Variants in NAA15 observed in about 807,000 individuals in gnomAD.
NAA15 encodes N-alpha-acetyltransferase 15, NatA auxiliary subunit.
NAA15 carries 34 observed loss-of-function variants against 114.0 expected under a neutral mutation model. The ratio of observed to expected loss-of-function variants is 0.30; its 90% CI spans 0.23 to 0.40. The LOEUF (loss-of-function observed/expected upper bound fraction) is 0.40, where lower values mean the gene tolerates loss of function less well. NAA15 is among the 10% of genes least tolerant of loss of function. The pLI is 1.00. For synonymous variants in NAA15, 340 were observed against 338.0 expected, an observed-to-expected ratio of 1.01 and a Z score of -0.06; for missense variants, 658 against 1,004.5, an observed-to-expected ratio of 0.66 and a Z score of 4.66.
chr4:139,340,483 A>G (rs1483649799), intron 3 of NAA15, among the ~76,000 whole-genome samples: 2 of 152,232 alleles, frequency 1.3e-5, no homozygotes, highest in Non-Finnish European at 2.9e-5. Flanking sequence ...ACTGGATTCC[A>G]TGAAGACCCA....
At chr4:139,323,325 C>G (rs936003771) in intron 1 of NAA15, among the ~76,000 whole-genome samples, 1 of 152,138 alleles carries the variant, frequency 6.6e-6, no homozygotes, top group Non-Finnish European at 1.5e-5. Context: ...TCCCAAAGGT[C>G]TAGGATTACA....
chr4:139,361,792 A>T lies in NAA15; in HGVS notation c.1608A>T (p.Arg536Ser), dbSNP rs1748139496. 6.2e-7 allele frequency: 1 copy of T among 1,613,074 alleles called. No homozygotes were observed. Among genetic ancestry groups the T allele is most frequent in the Admixed American group, 1.7e-5 (1 of 59,988 alleles). The change falls in exon 14 of 20, where the codon AGA becomes AGT. Residue 536 changes from arginine to serine, a missense_variant. Arg to Ser is a moderately radical substitution (Grantham distance 110). Transcript: ENST00000296543. ...ACTGTATGAGGAAGATTACCCTTAG[A>T]TCATATGTGGACTTATTAAAACTAG... ...HTYCMRKITL[R>S]SYVDLLKLED... is the part of the protein sequence containing the mutation.
intron 6 of NAA15, among the ~76,000 whole-genome samples, chr4:139,345,129 C>T (rs1380250308): frequency 5.3e-5 from 8 of 152,194 alleles, no homozygotes; most frequent in Admixed American, 2.6e-4. Flanking sequence ...GTATAATATA[C>T]ATCCATGTGC....
At chr4:139,358,341 A>G (rs983669558) in intron 11 of NAA15, among the ~76,000 whole-genome samples, 4 of 151,678 alleles carry the variant, frequency 2.6e-5, no homozygotes, top group South Asian at 4.2e-4. Context: ...GATTATAGGC[A>G]TGCACCACCA....
chr4:139,374,329 T>C (rs1748524059), intron 15 of NAA15, among the ~76,000 whole-genome samples: 1 of 152,184 alleles, frequency 6.6e-6, no homozygotes, highest in Non-Finnish European at 1.5e-5. Flanking sequence ...CTTTTTTCTT[T>C]AAGGGAGACA....
In NAA15 at chr4:139,349,508, T is replaced by TTA; in HGVS notation, c.741_742dup (p.Arg248IlefsTer28). ...GTCGTTTGGAAGATGCTGCAGATGT[T>TTA]TATAGAGGATTGCAAGAGAGAAATC... On this transcript the variant is annotated frameshift_variant, in exon 7 of 20. Coordinates refer to ENST00000296543, the MANE Select transcript of NAA15 (RefSeq NM_057175.5). LOFTEE classifies it high-confidence loss of function. The TTA allele has an allele frequency of 6.2e-7, 1 of 1,611,580 alleles. No homozygotes were observed. Among genetic ancestry groups the TTA allele is most frequent in the Non-Finnish European group, 8.5e-7 (1 of 1,179,206 alleles).
At chr4:139,339,027 T>C (rs1388892530) in intron 3 of NAA15, among the ~76,000 whole-genome samples, 3 of 151,834 alleles carry the variant, frequency 2.0e-5, no homozygotes, top group Admixed American at 2.0e-4. Flanking sequence ...GCCAGGCTGG[T>C]CTCGAACTCG....
rs558248508 is a variant in NAA15, at chr4:139,315,380, G to A, written c.54+13549G>A. 8.6e-5 allele frequency among the ~76,000 whole-genome samples: 13 copies of A among 151,936 alleles called. No individual in the cohort carries two copies. In the South Asian group the frequency reaches 1.9e-3, roughly 22 times the overall value. On this transcript the variant is annotated intron_variant, in intron 1 of 19. Coordinates refer to ENST00000296543, the MANE Select transcript of NAA15 (RefSeq NM_057175.5). ...ACAAAAATACAAAAATTAGCCAGGC[G>A]TGGTGGTACGTGCCTGTAATCCCCG... is the stretch of plus-strand genomic sequence containing the variant.
intron 17 of NAA15, among the ~76,000 whole-genome samples, chr4:139,383,074 G>A (rs55831651): frequency 3.3e-5 from 5 of 152,022 alleles, no homozygotes; most frequent in African/African-American, 4.8e-5. Flanking sequence ...TGTATTTGTC[G>A]CAGTACAAAT....
At chr4:139,321,900 T>C (rs1011259537) in intron 1 of NAA15, among the ~76,000 whole-genome samples, 2 of 152,086 alleles carry the variant, frequency 1.3e-5, no homozygotes, top group Non-Finnish European at 2.9e-5. Context: ...TTTCTGACTC[T>C]TTTTTTATTG....
chr4:139,314,720 C>T (rs1214246423), intron 1 of NAA15, among the ~76,000 whole-genome samples: 2 of 151,872 alleles, frequency 1.3e-5, no homozygotes, highest in African/African-American at 2.4e-5. Context: ...GCTCTGTTAC[C>T]AGGCTGGAGT....
intron 1 of NAA15, among the ~76,000 whole-genome samples, chr4:139,315,001 T>TCAGGTCAGGTCAGGTCAGGTCAGGTCAGG (rs1553992509): frequency 2.7e-5 from 2 of 74,350 alleles, no homozygotes; most frequent in African/African-American, 6.6e-5. Context: ...TTCAGTTCAG[T>TCAGGTCAGGTCAGGTCAGGTCAGGTCAGG]TTAGTTTAGG....
At chr4:139,319,032 T>A (rs531592214) in intron 1 of NAA15, among the ~76,000 whole-genome samples, 1 of 152,212 alleles carries the variant, frequency 6.6e-6, no homozygotes, top group East Asian at 2.0e-4. Context: ...CTTACGCCTG[T>A]CATCCCAGCA....
rs1748985654 is a variant in NAA15, at chr4:139,389,214, T to C, written c.*1130T>C. On this transcript the variant is annotated 3_prime_UTR_variant, in exon 20 of 20. Transcript: ENST00000296543. ...CCAAGATTTTTTTTTTTTTTTTTTT[T>C]TTCAAATAACAGACCAGCTTCTTTT... is the stretch of plus-strand genomic sequence containing the variant. The C allele has an allele frequency of 6.6e-6, 1 of 152,186 alleles. No individual in the cohort carries two copies. The highest frequency in any genetic ancestry group is 2.4e-5 in the African/African-American group (1 of 41,362). The allele number at this position is 152,186 out of a possible 1,614,324, so 9.4% of individuals were successfully genotyped here. A position where few individuals can be genotyped will look rare whatever the true frequency, so the allele number is the denominator to read the frequency against.
At chr4:139,326,762 G>T (rs1364187397) in intron 1 of NAA15, among the ~76,000 whole-genome samples, 1 of 152,048 alleles carries the variant, frequency 6.6e-6, no homozygotes, top group Non-Finnish European at 1.5e-5. Flanking sequence ...ATTAGTTTTG[G>T]TAATTTAAGC....
chr4:139,366,076 A>G (rs1442704955), intron 14 of NAA15, among the ~76,000 whole-genome samples: 1 of 152,076 alleles, frequency 6.6e-6, no homozygotes, highest in Admixed American at 6.6e-5. Flanking sequence ...ACTAGGAGAA[A>G]GATAAACAAA....
intron 1 of NAA15, among the ~76,000 whole-genome samples, chr4:139,308,549 A>G (rs989491571): frequency 6.6e-6 from 1 of 152,216 alleles, no homozygotes; most frequent in African/African-American, 2.4e-5. Flanking sequence ...AAATGGAAAC[A>G]AAGTTTGGTC....
intron 18 of NAA15, among the ~76,000 whole-genome samples, chr4:139,385,682 T>A (rs1241049043): frequency 1.3e-5 from 2 of 152,168 alleles, no homozygotes; most frequent in African/African-American, 4.8e-5. Flanking sequence ...AATACTTGGC[T>A]TAAGCCCAGC....
chr4:139,363,323 C>T (rs902499707), intron 14 of NAA15, among the ~76,000 whole-genome samples: 1 of 152,192 alleles, frequency 6.6e-6, no homozygotes, highest in Non-Finnish European at 1.5e-5. Flanking sequence ...TTTCACTTTT[C>T]TCCCACCCAT....
Sources: allele counts gnomAD v4.1 joint callset (sites outside exome capture counted in the v4.1 genomes callset), GRCh38; gene constraint gnomAD v4.1.1; transcripts MANE v1.5; gene names NCBI Gene and HGNC (gene_info 2026-07-23, HGNC 2026-07-21).